ANGEL1: variants seen among roughly 807,000 people sequenced by gnomAD.
ANGEL1 encodes RNA 2',3'-cyclic phosphatase ANGEL1.
A neutral mutation model predicts 76.4 loss-of-function variants in ANGEL1; 62 were observed. The observed-to-expected ratio is 0.81, with a 90% confidence interval of 0.66 to 1.00. The LOEUF is 1.00. Ranked by LOEUF, ANGEL1 falls within the 50% of genes least tolerant of loss-of-function variation. ANGEL1 has a pLI of 0.00. For synonymous variants in ANGEL1, 340 were observed against 331.7 expected (o/e 1.03, Z -0.27); for missense variants, 737 against 836.7 (o/e 0.88, Z 1.47).
chr14:76,809,759 T>C (rs1895031350), intron 1 of ANGEL1, 116 bp from the exon 2 acceptor site: 1 of 829,774 alleles, frequency 1.2e-6, no homozygotes, highest in South Asian at 1.8e-5. Context: ...CTCATCATTG[T>C]ACCATCACTG....
At chr14:76,791,233 G>T in intron 8 of ANGEL1, 64 bp downstream of exon 8, 3 of 1,557,738 alleles carry the variant, frequency 1.9e-6, no homozygotes, top group Admixed American at 3.4e-5. Context: ...CAACCAATGG[G>T]AATCTCTCTC....
chr14:76,803,796 G>A lies in ANGEL1; in HGVS notation c.1497C>T (p.Pro499=). Residue 499 remains proline (P), a synonymous_variant, in exon 6 of 10, where the codon CCC becomes CCT. Coordinates refer to ENST00000251089, the MANE Select transcript of ANGEL1 (RefSeq NM_015305.4). ...GTGACATGTGCTCACCTGATCTCTTGGGGTGACAGGAGGTGACATACTGAC... is the reference window on the plus strand; with the variant it reads ...GTGACATGTGCTCACCTGATCTCTTAGGGTGACAGGAGGTGACATACTGAC... ...DCCQYVTSCH[P]KRSERRKYGR... is the part of the protein sequence containing the mutation. 2 of 1,612,708 alleles carry A rather than the reference G, an allele frequency of 1.2e-6. No individual in the cohort carries two copies. The highest frequency in any genetic ancestry group is 8.5e-7 in the Non-Finnish European group (1 of 1,179,212).
intron 8 of ANGEL1, 113 bp downstream of exon 8, chr14:76,791,184 G>C: frequency 2.6e-6 from 3 of 1,159,150 alleles, no homozygotes; most frequent in Non-Finnish European, 3.8e-6. Context: ...AGGGGAAAAA[G>C]AGCTTATCAA....
intron 9 of ANGEL1, among the ~76,000 whole-genome samples, chr14:76,790,227 G>A (rs984933675): frequency 6.6e-6 from 1 of 152,100 alleles, no homozygotes; most frequent in Non-Finnish European, 1.5e-5. Flanking sequence ...TACAGGCATG[G>A]GGCTGGGAGA....
chr14:76,802,768 T>C (rs925861079), intron 7 of ANGEL1, among the ~76,000 whole-genome samples: 4 of 152,052 alleles, frequency 2.6e-5, no homozygotes, highest in Non-Finnish European at 5.9e-5. Flanking sequence ...CACAGATAAG[T>C]CTCTCTATAC....
At chr14:76,789,635 A>G (rs1894339631) in intron 9 of ANGEL1, among the ~76,000 whole-genome samples, 1 of 151,938 alleles carries the variant, frequency 6.6e-6, no homozygotes, top group African/African-American at 2.4e-5. Flanking sequence ...GCCCACCATT[A>G]TAAGATCTTT....
chr14:76,807,675 C>T (rs768297), intron 3 of ANGEL1, among the ~76,000 whole-genome samples, 173 bp from the exon 4 acceptor site: 24,054 of 152,180 alleles, frequency 0.16, 2,098 homozygotes, highest in African/African-American at 0.2. Flanking sequence ...GAGATGTGCA[C>T]TGGATTTTCC....
intron 4 of ANGEL1, 49 bp downstream of exon 4, chr14:76,807,384 C>G: frequency 1.3e-6 from 2 of 1,560,570 alleles, no homozygotes; most frequent in Non-Finnish European, 1.8e-6. Context: ...AGAGAGTAGA[C>G]AAGTCTGTGG....
chr14:76,812,464 C>A, intron 1 of ANGEL1: 1 of 1,193,212 alleles, frequency 8.4e-7, no homozygotes, highest in Non-Finnish European at 1.0e-6. Flanking sequence ...CTCTGCACCC[C>A]CAGGGCCAGG....
intron 1 of ANGEL1, chr14:76,810,386 C>T (rs1380745410): frequency 4.8e-6 from 1 of 208,040 alleles, no homozygotes; most frequent in Non-Finnish European, 1.0e-5. Context: ...CTTCTGCACT[C>T]CCGCCTGGGA....
At chr14:76,802,982 T>C (rs978425234) in intron 7 of ANGEL1, among the ~76,000 whole-genome samples, 2 of 152,258 alleles carry the variant, frequency 1.3e-5, no homozygotes, top group Admixed American at 1.3e-4. Flanking sequence ...ATATTCAATC[T>C]GAAATTTCTC....
At chr14:76,797,576 G>T (rs1353425857) in intron 7 of ANGEL1, among the ~76,000 whole-genome samples, 2 of 152,042 alleles carry the variant, frequency 1.3e-5, no homozygotes, top group Non-Finnish European at 2.9e-5. Context: ...CTCCAGCCCG[G>T]GTGACAGAGT....
chr14:76,792,365 A>G (rs1421172595), intron 7 of ANGEL1, among the ~76,000 whole-genome samples: 1 of 151,790 alleles, frequency 6.6e-6, no homozygotes, highest in Non-Finnish European at 1.5e-5. Flanking sequence ...AAACACTTCC[A>G]AAAAAAAGAG....
intron 5 of ANGEL1, 117 bp downstream of exon 5, chr14:76,806,296 AAGG>A (rs1894915053): frequency 9.5e-6 from 10 of 1,053,128 alleles, no homozygotes; most frequent in Admixed American, 8.7e-5. Context: ...TAACAAGAAA[AAGG>A]AGGAGCAGGC....
chr14:76,794,574 G>A (rs1043582748), intron 7 of ANGEL1, among the ~76,000 whole-genome samples: 1 of 151,718 alleles, frequency 6.6e-6, no homozygotes, highest in African/African-American at 2.4e-5. Context: ...GGGAGGCTGA[G>A]GCAGAAGAAT....
chr14:76,794,144 G>C (rs2140211717), intron 7 of ANGEL1, among the ~76,000 whole-genome samples: 1 of 152,294 alleles, frequency 6.6e-6, no homozygotes, highest in East Asian at 1.9e-4. Context: ...GAAGTAAATG[G>C]AAAGTGACTC....
At chr14:76,804,736 G>A (rs544977301) in intron 5 of ANGEL1, among the ~76,000 whole-genome samples, 16 of 152,338 alleles carry the variant, frequency 1.1e-4, no homozygotes, top group Non-Finnish European at 1.2e-4. Context: ...TAGGCCAGGC[G>A]CAGTGGCTCA....
chr14:76,809,586 A>C lies in ANGEL1; in HGVS notation c.122T>G (p.Val41Gly). 1 of 1,614,074 alleles carries C rather than the reference A, an allele frequency of 6.2e-7. No individual in the cohort carries two copies. The change falls in exon 2 of 10, where the codon GTA becomes GGA. Residue 41 changes from valine (V) to glycine (G), a missense_variant. Val to Gly is a moderately radical substitution (Grantham distance 109). Around this residue, in one of 2 missense-constraint regions of ANGEL1, gnomAD observed 441 missense variants for 449.5 expected, o/e 0.98. Coordinates refer to ENST00000251089, the MANE Select transcript of ANGEL1 (RefSeq NM_015305.4). ...AGGGGCCATGGCAAAGTCGCCCTCTACCTGGGGGGATGAGCTGTTCGCCAG... is the reference window on the plus strand; with the variant it reads ...AGGGGCCATGGCAAAGTCGCCCTCTCCCTGGGGGGATGAGCTGTTCGCCAG... Reference protein sequence around the residue: ...VLLANSSSPQVEGDFAMAPRG... With the variant: ...VLLANSSSPQGEGDFAMAPRG...
chr14:76,808,258 T>A, intron 2 of ANGEL1, 110 bp from the exon 3 acceptor site: 1 of 855,524 alleles, frequency 1.2e-6, no homozygotes, highest in Non-Finnish European at 1.8e-6. Context: ...TTTTCCATCT[T>A]CCCTGTCACC....
Sources: allele counts gnomAD v4.1 joint callset (sites outside exome capture counted in the v4.1 genomes callset), GRCh38; gene constraint gnomAD v4.1.1; regional missense constraint gnomAD v4.1.1; transcripts MANE v1.5; gene names NCBI Gene and HGNC (gene_info 2026-07-23, HGNC 2026-07-21).